Variants in ATP2A2 observed in about 807,000 individuals in gnomAD.
ATP2A2 encodes ATPase sarcoplasmic/endoplasmic reticulum Ca2+ transporting 2.
ATP2A2 carries 14 observed loss-of-function variants against 109.3 expected under a neutral mutation model. That is an observed-to-expected ratio of 0.13 (90% CI 0.08 to 0.20). The LOEUF (loss-of-function observed/expected upper bound fraction) is 0.20, where lower values mean the gene tolerates loss of function less well. ATP2A2 is among the 10% of genes least tolerant of loss of function. The pLI is 1.00. For missense variants in ATP2A2, 657 were observed against 1,321.6 expected, an observed-to-expected ratio of 0.50 and a Z score of 7.80; for synonymous variants, 506 against 490.9, an observed-to-expected ratio of 1.03 and a Z score of -0.41.
Position 110,340,692 on chromosome 12 carries a change from C to T in ATP2A2, c.1795C>T (p.Leu599=), listed in dbSNP as rs771429870. The change falls in exon 14 of 20, where the codon CTG becomes TTG. Residue 599 remains leucine (L), a synonymous_variant. Transcript: ENST00000539276. This position sits in a 1 kb window ranked among gnomAD's most constrained non-coding sequence, Gnocchi z 6.0. ...GACCTTCGTTGGCTGCGTGGGCATG[C>T]TGGATCCTCCGAGAATCGAGGTGGC... ...NLTFVGCVGM[L]DPPRIEVASS... The T allele has an allele frequency of 2.5e-6, 4 of 1,614,036 alleles. No homozygotes were observed. The Admixed American group carries it at 6.7e-5, about 27-fold the overall frequency.
At chr12:110,292,242 A>C in intron 4 of ATP2A2, 118 bp downstream of exon 4, 1 of 792,366 alleles carries the variant, frequency 1.3e-6, no homozygotes, top group Non-Finnish European at 2.2e-6. Context: ...GTTTGCGGGA[A>C]GTTTACATGT....
chr12:110,327,255 C>CTA lies in ATP2A2; in HGVS notation c.631-294_631-293dup, dbSNP rs55885985. Among the ~76,000 whole-genome samples the CTA allele has an allele frequency of 0.14, 21,261 of 152,102 alleles. 2,202 individuals are homozygous for CTA. Among genetic ancestry groups the CTA allele is most frequent in the African/African-American group, 0.29 (12,008 of 41,420 alleles). ...GAAGTGGAGAATGCTTAGAGTTGAA[C>CTA]TATATGAGTTTGAAAAATTGGGAAC... On this transcript the variant is annotated intron_variant, in intron 7 of 19. Coordinates refer to ENST00000539276, the MANE Select transcript of ATP2A2 (RefSeq NM_170665.4). This position sits in a 1 kb window ranked among gnomAD's most constrained non-coding sequence, Gnocchi z 4.4.
intron 3 of ATP2A2, among the ~76,000 whole-genome samples, chr12:110,291,302 C>G (rs1223291469): frequency 6.6e-6 from 1 of 152,174 alleles, no homozygotes; most frequent in African/African-American, 2.4e-5. Flanking sequence ...CTCCTAGGTA[C>G]AAGTGATTCT....
At chr12:110,290,884 T>G (rs1000095277) in intron 3 of ATP2A2, among the ~76,000 whole-genome samples, 6 of 151,128 alleles carry the variant, frequency 4.0e-5, no homozygotes, top group Non-Finnish European at 7.4e-5. Context: ...GATTACAGAC[T>G]TGAACCACCA....
At chr12:110,343,460 G>C (rs754925580) in intron 16 of ATP2A2, 26 bp downstream of exon 16, 33 of 1,610,632 alleles carry the variant, frequency 2.0e-5, no homozygotes, top group Admixed American at 1.7e-4. Context: ...TTATATTACT[G>C]ATTTTTAAAC....
intron 18 of ATP2A2, chr12:110,345,675 T>C (rs923981398): frequency 7.0e-6 from 4 of 572,772 alleles, no homozygotes; most frequent in Non-Finnish European, 1.2e-5. Context: ...AACCTCACCC[T>C]TTCACACAGA....
intron 5 of ATP2A2, among the ~76,000 whole-genome samples, chr12:110,304,386 A>T (rs1218075360): frequency 2.0e-5 from 3 of 152,168 alleles, no homozygotes; most frequent in African/African-American, 7.2e-5. Context: ...AATGGTGGTG[A>T]TATTGTTCTA....
chr12:110,348,973 G>A lies in ATP2A2; in HGVS notation c.*2503G>A, dbSNP rs1307781354. ...CCTGACTCAGTTCCTTGACTTAGTG[G>A]CCTTTACAAAAAAAGTTGAGTAGTG... On this transcript the variant is annotated 3_prime_UTR_variant, in exon 20 of 20. Transcript: ENST00000539276. The A allele has an allele frequency of 1.3e-5, 13 of 985,272 alleles. No individual in the cohort carries two copies. The highest frequency in any genetic ancestry group is 1.6e-5 in the Non-Finnish European group (13 of 829,938). 61.0% of individuals were successfully genotyped at this position (985,272 alleles called of 1,614,324 possible).
chr12:110,305,869 CTG>C (rs936293903), intron 5 of ATP2A2, among the ~76,000 whole-genome samples: 11 of 142,596 alleles, frequency 7.7e-5, no homozygotes, highest in African/African-American at 1.3e-4. Context: ...ATAGGGATGT[CTG>C]TTTTTTTTTT....
intron 5 of ATP2A2, among the ~76,000 whole-genome samples, chr12:110,317,669 T>G (rs1876813986): frequency 6.6e-6 from 1 of 152,148 alleles, no homozygotes; most frequent in Admixed American, 6.6e-5. Flanking sequence ...TGAGCCACCA[T>G]GCCCGGCTTG....
chr12:110,347,082 G>A lies in ATP2A2; in HGVS notation c.*612G>A. On this transcript the variant is annotated 3_prime_UTR_variant, in exon 20 of 20. Coordinates refer to ENST00000539276, the MANE Select transcript of ATP2A2 (RefSeq NM_170665.4). ...CCCGCTTGGCTTCTTCTTTAGGATTGTGATGGTTCGTTCTGTTTACATCAG... is the reference window on the plus strand; with the variant it reads ...CCCGCTTGGCTTCTTCTTTAGGATTATGATGGTTCGTTCTGTTTACATCAG... 9.7e-7 allele frequency: 1 copy of A among 1,030,782 alleles called. No homozygotes were observed. The highest frequency in any genetic ancestry group is 1.1e-6 in the Non-Finnish European group (1 of 871,310). The allele number at this position is 1,030,782 out of a possible 1,614,324, so 63.9% of individuals were successfully genotyped here.
chr12:110,298,894 A>G (rs996203134), intron 5 of ATP2A2, among the ~76,000 whole-genome samples: 4 of 152,178 alleles, frequency 2.6e-5, no homozygotes, highest in African/African-American at 9.7e-5. Flanking sequence ...TCTCTTATAT[A>G]ACCTCAGTAT....
At chr12:110,325,986 C>T (rs1373636009) in intron 6 of ATP2A2, 18 of 202,792 alleles carry the variant, frequency 8.9e-5, no homozygotes, top group Non-Finnish European at 3.9e-5. Flanking sequence ...ACCTCTGTCT[C>T]GAAAAAAAAA....
chr12:110,318,791 AT>A (rs1876936997), intron 5 of ATP2A2, among the ~76,000 whole-genome samples: 1 of 152,138 alleles, frequency 6.6e-6, no homozygotes, highest in Non-Finnish European at 1.5e-5. Context: ...GGTTTTTTGG[AT>A]TTATGTTTCT....
intron 3 of ATP2A2, 69 bp from the exon 4 acceptor site, chr12:110,291,950 GC>G: frequency 7.2e-7 from 1 of 1,396,238 alleles, no homozygotes; most frequent in Non-Finnish European, 1.0e-6. Context: ...CTCGGCCAGT[GC>G]TAGCCACTTT....
chr12:110,297,570 C>T (rs2137723217), intron 5 of ATP2A2, among the ~76,000 whole-genome samples: 1 of 152,102 alleles, frequency 6.6e-6, no homozygotes, highest in African/African-American at 2.4e-5. Flanking sequence ...CACAGACCTC[C>T]AAGGGTCAGT....
chr12:110,344,777 A>T, intron 16 of ATP2A2, 109 bp from the exon 17 acceptor site: 1 of 1,077,804 alleles, frequency 9.3e-7, no homozygotes, highest in Non-Finnish European at 1.4e-6. Flanking sequence ...GGTTACCATC[A>T]CTGTCCCATG....
intron 11 of ATP2A2, among the ~76,000 whole-genome samples, chr12:110,337,745 A>G (rs1237301818): frequency 6.6e-6 from 1 of 152,196 alleles, no homozygotes; most frequent in Admixed American, 6.5e-5. Flanking sequence ...CAATAAGGTC[A>G]CCTCAGTAGG....
At chr12:110,344,006 A>G (rs1257736852) in intron 16 of ATP2A2, among the ~76,000 whole-genome samples, 2 of 152,310 alleles carry the variant, frequency 1.3e-5, no homozygotes, top group Non-Finnish European at 2.9e-5. Flanking sequence ...ACACAATGGC[A>G]TAGAATGGAA....
Sources: gnomAD v4.1 joint callset for allele counts (sites outside exome capture counted in the v4.1 genomes callset) on GRCh38, gnomAD v4.1.1 for gene constraint, Gnocchi (gnomAD v3.1) non-coding constraint, MANE v1.5 for transcripts, NCBI Gene and HGNC (gene_info 2026-07-23, HGNC 2026-07-21) for gene names.